ATP4A: variants seen among roughly 807,000 people sequenced by gnomAD.
The protein encoded by ATP4A is potassium-transporting ATPase alpha chain 1.
ATP4A carries 73 observed loss-of-function variants against 112.1 expected under a neutral mutation model. The observed-to-expected ratio is 0.65, with a 90% CI of 0.54 to 0.79. ATP4A has a LOEUF of 0.79. ATP4A is among the 30% of genes least tolerant of loss of function. The pLI is 0.00. For synonymous variants in ATP4A, 588 were observed against 588.9 expected, an observed-to-expected ratio of 1.00 and a Z score of 0.02; for missense variants, 1,081 against 1,425.9, an observed-to-expected ratio of 0.76 and a Z score of 3.90.
In ATP4A at chr19:35,559,267, G is replaced by A. The variant is rs1280708924; in HGVS notation, c.1057-76C>T. On this transcript the variant is annotated intron_variant, in intron 7 of 21. Coordinates refer to ENST00000262623, the MANE Select transcript of ATP4A (RefSeq NM_000704.3). The surrounding 1 kb of genome is among the most constrained non-coding windows in gnomAD (Gnocchi z 4.1). ...CCTCTTCCCCGCGTCAAAGAACGGG[G>A]AAGGCTTTACCCCAGCCGCGGGGCT... 107 of 1,521,668 alleles carry A rather than the reference G, an allele frequency of 7.0e-5. 1 individual carries two copies. The highest frequency in any genetic ancestry group is 7.0e-4 in the Middle Eastern group (4 of 5,716). The allele number at this position is 1,521,668 out of a possible 1,614,324, so 94.3% of individuals were successfully genotyped here.
At position 35,558,902 on chromosome 19, in the gene ATP4A, G is replaced by A. The variant is rs1262979363; in HGVS notation, c.1255+91C>T. 19 of 1,512,154 alleles carry A rather than the reference G, an allele frequency of 1.3e-5. No homozygotes were observed. Among genetic ancestry groups the A allele is most frequent in the Non-Finnish European group, 1.6e-5 (18 of 1,102,774 alleles). 93.7% of individuals were successfully genotyped at this position (1,512,154 alleles called of 1,614,324 possible). A position where few individuals can be genotyped will look rare whatever the true frequency, so the allele number is the denominator to read the frequency against. On this transcript the variant is annotated intron_variant, in intron 8 of 21. Coordinates refer to ENST00000262623, the MANE Select transcript of ATP4A (RefSeq NM_000704.3). The surrounding 1 kb of genome is among the most constrained non-coding windows in gnomAD (Gnocchi z 5.1). ...CCTGGAGCCGAGCCGCCCCGCCTTC[G>A]TACAAAGCCCTCCCTACCTCCCTAT...
In ATP4A at chr19:35,555,860, C is replaced by A. The variant is rs1468142754; in HGVS notation, c.1870-48G>T. The A allele has an allele frequency of 2.6e-6, 4 of 1,555,116 alleles. No homozygotes were observed. In the East Asian group the frequency reaches 6.8e-5, roughly 27 times the overall value. On this transcript the variant is annotated intron_variant, in intron 12 of 21. Transcript: ENST00000262623. The surrounding 1 kb of genome is among the most constrained non-coding windows in gnomAD (Gnocchi z 6.6). Reference sequence around the variant, plus strand: ...ACTGACCCCTTCAGATCAGCCCAATCTCCCTGTCCTCCCTGGGAGACATCT... The same window carrying A: ...ACTGACCCCTTCAGATCAGCCCAATATCCCTGTCCTCCCTGGGAGACATCT...
chr19:35,550,682 G>T lies in ATP4A; in HGVS notation c.3080-39C>A. The T allele has an allele frequency of 6.2e-7, 1 of 1,613,632 alleles. No individual in the cohort carries two copies. The highest frequency in any genetic ancestry group is 8.5e-7 in the Non-Finnish European group (1 of 1,179,700). On this transcript the variant is annotated intron_variant, in intron 21 of 21. Coordinates refer to ENST00000262623, the MANE Select transcript of ATP4A (RefSeq NM_000704.3). This position sits in a 1 kb window ranked among gnomAD's most constrained non-coding sequence, Gnocchi z 4.1. ...GGAGAAAGGAGACTCAGTGCTGGGG[G>T]TGCCACTTAGGCAGGGCCAGGGGCT...
chr19:35,559,076 GTCCCTGTC>G lies in ATP4A; in HGVS notation c.1164_1171del (p.Lys388AsnfsTer15), dbSNP rs2071651579. 1 of 1,614,100 alleles carries G rather than the reference GTCCCTGTC, an allele frequency of 6.2e-7. No individual in the cohort carries two copies. The highest frequency in any genetic ancestry group is 1.3e-5 in the African/African-American group (1 of 74,946). On this transcript the variant is annotated frameshift_variant, in exon 8 of 22. Coordinates refer to ENST00000262623, the MANE Select transcript of ATP4A (RefSeq NM_000704.3). LOFTEE classifies it high-confidence loss of function. This position sits in a 1 kb window ranked among gnomAD's most constrained non-coding sequence, Gnocchi z 4.1. ...CACAGTCATGCGGTTCTGAGTGAGA[GTCCCTGTC>G]TTGTCCGAGCAGATCACCGAAGTGG... is the stretch of plus-strand genomic sequence containing the variant.
Position 35,558,148 on chromosome 19 carries a change from T to C in ATP4A, c.1500+214A>G. 1 of 669,446 alleles carries C rather than the reference T, an allele frequency of 1.5e-6. No homozygotes were observed. The highest frequency in any genetic ancestry group is 2.5e-6 in the Non-Finnish European group (1 of 407,550). The allele number at this position is 669,446 out of a possible 1,614,324, so 41.5% of individuals were successfully genotyped here. A position where few individuals can be genotyped will look rare whatever the true frequency, so the allele number is the denominator to read the frequency against. On this transcript the variant is annotated intron_variant, in intron 10 of 21. Coordinates refer to ENST00000262623, the MANE Select transcript of ATP4A (RefSeq NM_000704.3). The surrounding 1 kb of genome is among the most constrained non-coding windows in gnomAD (Gnocchi z 5.1). ...AGAGCGAGGTGCTCCCCATGGACAGTCCCGCCGAGGAGAAGCTGTGGGCGG... is the reference window on the plus strand; with the variant it reads ...AGAGCGAGGTGCTCCCCATGGACAGCCCCGCCGAGGAGAAGCTGTGGGCGG...
At position 35,551,317 on chromosome 19, in the gene ATP4A, G is replaced by A; in HGVS notation, c.2885+130C>T. 6.1e-6 allele frequency: 9 copies of A among 1,465,988 alleles called. No individual in the cohort carries two copies. Among genetic ancestry groups the A allele is most frequent in the Non-Finnish European group, 8.3e-6 (9 of 1,078,162 alleles). 90.8% of individuals were successfully genotyped at this position (1,465,988 alleles called of 1,614,324 possible). A position where few individuals can be genotyped will look rare whatever the true frequency, so the allele number is the denominator to read the frequency against. On this transcript the variant is annotated intron_variant, in intron 19 of 21. Transcript: ENST00000262623. The surrounding 1 kb of genome is among the most constrained non-coding windows in gnomAD (Gnocchi z 5.2). ...GGGGAGTTATTGGCCAGTTAGAAAGGTTTTTTTGGCATGTCACCATCTGGC... is the reference window on the plus strand; with the variant it reads ...GGGGAGTTATTGGCCAGTTAGAAAGATTTTTTTGGCATGTCACCATCTGGC...
rs2071651604 is a variant in ATP4A, at chr19:35,559,078, C to T, written c.1170G>A (p.Gly390=). The change falls in exon 8 of 22, where the codon GGG becomes GGA. Residue 390 remains glycine (G), a synonymous_variant. Coordinates refer to ENST00000262623, the MANE Select transcript of ATP4A (RefSeq NM_000704.3). This position sits in a 1 kb window ranked among gnomAD's most constrained non-coding sequence, Gnocchi z 4.1. ...STSVICSDKT[G]TLTQNRMTVS... ...CAGTCATGCGGTTCTGAGTGAGAGT[C>T]CCTGTCTTGTCCGAGCAGATCACCG... The T allele has an allele frequency of 5.6e-6, 9 of 1,614,186 alleles. No homozygotes were observed. Among genetic ancestry groups the T allele is most frequent in the Non-Finnish European group, 6.8e-6 (8 of 1,180,034 alleles).
chr19:35,551,128 T>C lies in ATP4A; in HGVS notation c.2886-17A>G. 6.3e-7 allele frequency: 1 copy of C among 1,592,396 alleles called. No homozygotes were observed. The highest frequency in any genetic ancestry group is 8.6e-7 in the Non-Finnish European group (1 of 1,169,070). ...ATCTTATTCCTGGGGGTGGGCAGAA[T>C]GGGACAGGCCATTAGGAATTGGGGA... On this transcript the variant is annotated splice_polypyrimidine_tract_variant and intron_variant, in intron 19 of 21. Coordinates refer to ENST00000262623, the MANE Select transcript of ATP4A (RefSeq NM_000704.3). The surrounding 1 kb of genome is among the most constrained non-coding windows in gnomAD (Gnocchi z 5.2).
chr19:35,563,585 C>T (rs909322176), intron 1 of ATP4A, 33 bp downstream of exon 1: 1 of 1,613,902 alleles, frequency 6.2e-7, no homozygotes, highest in African/African-American at 1.3e-5. Flanking sequence ...ACCCCTGTCC[C>T]CACTGCACCC....
Position 35,557,520 on chromosome 19 carries a change from G to C in ATP4A, c.1693+135C>G. 1 of 1,092,368 alleles carries C rather than the reference G, an allele frequency of 9.2e-7. No homozygotes were observed. Among genetic ancestry groups the C allele is most frequent in the Non-Finnish European group, 1.3e-6 (1 of 774,164 alleles). The allele number at this position is 1,092,368 out of a possible 1,614,324, so 67.7% of individuals were successfully genotyped here. The stretch of plus-strand genomic sequence containing the variant: ...AGGACTGGTACAGGGAAAGTCAAGG[G>C]TGAGGCTGTGGACTGCGACAAATCA... On this transcript the variant is annotated intron_variant, in intron 11 of 21. Transcript: ENST00000262623. This position sits in a 1 kb window ranked among gnomAD's most constrained non-coding sequence, Gnocchi z 4.4.
Position 35,558,232 on chromosome 19 carries a change from A to G in ATP4A, c.1500+130T>C. 1 of 1,208,196 alleles carries G rather than the reference A, an allele frequency of 8.3e-7. No individual in the cohort carries two copies. Among genetic ancestry groups the G allele is most frequent in the Admixed American group, 2.8e-5 (1 of 35,700 alleles). The allele number at this position is 1,208,196 out of a possible 1,614,324, so 74.8% of individuals were successfully genotyped here. ...GACGGGGCCATAGGCGGAGCGGGAG[A>G]TGGGGTGGGGTTTGGCTGCGGAGAG... is the stretch of plus-strand genomic sequence containing the variant. On this transcript the variant is annotated intron_variant, in intron 10 of 21. Coordinates refer to ENST00000262623, the MANE Select transcript of ATP4A (RefSeq NM_000704.3). This position sits in a 1 kb window ranked among gnomAD's most constrained non-coding sequence, Gnocchi z 5.1.
rs539010027 is a variant in ATP4A, at chr19:35,559,995, T to C, written c.866A>G (p.Glu289Gly). 26 of 1,614,220 alleles carry C rather than the reference T, an allele frequency of 1.6e-5. No individual in the cohort carries two copies. The African/African-American group carries it at 2.8e-4, about 17-fold the overall frequency. Residue 289 changes from glutamate to glycine, a missense_variant, in exon 7 of 22, where the codon GAA (glutamate) becomes GGA (glycine). Around this residue, in one of 3 missense-constraint regions of ATP4A, gnomAD observed 850 missense variants for 1,068.2 expected, o/e 0.80. Coordinates refer to ENST00000262623, the MANE Select transcript of ATP4A (RefSeq NM_000704.3). This position sits in a 1 kb window ranked among gnomAD's most constrained non-coding sequence, Gnocchi z 4.1. ...GATAGCGATGGGTGTCTTCTCGTTT[T>C]CCACCCCCGACGCCAGCGATGCGAT... ...GRIASLASGV[E>G]NEKTPIAIEI... is the part of the protein sequence containing the mutation.
rs932835477 is a variant in ATP4A at position 35,557,378 on chromosome 19, GAGGCAGCGAAGTTTA to G, written c.1693+262_1693+276del. Reference sequence around the variant, plus strand: ...GACCACAGATCTGCTTTCTAGGGTAGAGGCAGCGAAGTTTAAGGCGTCAGGACAAAAATTGGGAGA... The same window carrying G: ...GACCACAGATCTGCTTTCTAGGGTAGAGGCGTCAGGACAAAAATTGGGAGA... On this transcript the variant is annotated intron_variant, in intron 11 of 21. Coordinates refer to ENST00000262623, the MANE Select transcript of ATP4A (RefSeq NM_000704.3). This position sits in a 1 kb window ranked among gnomAD's most constrained non-coding sequence, Gnocchi z 4.4. 2.6e-5 allele frequency among the ~76,000 whole-genome samples: 4 copies of G among 152,192 alleles called. No homozygotes were observed. Among genetic ancestry groups the G allele is most frequent in the African/African-American group, 9.7e-5 (4 of 41,448 alleles).
Position 35,556,812 on chromosome 19 carries a change from T to C in ATP4A, c.1869+101A>G. 4.9e-6 allele frequency: 7 copies of C among 1,428,590 alleles called. No homozygotes were observed. In the South Asian group the frequency reaches 9.5e-5, roughly 19 times the overall value. 88.5% of individuals were successfully genotyped at this position (1,428,590 alleles called of 1,614,324 possible). A position where few individuals can be genotyped will look rare whatever the true frequency, so the allele number is the denominator to read the frequency against. On this transcript the variant is annotated intron_variant, in intron 12 of 21. Transcript: ENST00000262623. ...AGTATCATAAACCAATGCATTTTGG[T>C]TCAAGCCAGTTTCAGGTGGGTTTGT...
intron 16 of ATP4A, among the ~76,000 whole-genome samples, chr19:35,554,615 T>G (rs2071619832): frequency 6.6e-6 from 1 of 152,212 alleles, no homozygotes; most frequent in African/African-American, 2.4e-5. Context: ...GTGTCTGTGA[T>G]TCAAGTTTGG....
rs552714139 is a variant in ATP4A, at chr19:35,562,242, CT to C, written c.420+192del. Among the ~76,000 whole-genome samples the C allele has an allele frequency of 3.8e-3, 578 of 152,284 alleles. 1 individual carries two copies. The highest frequency in any genetic ancestry group is 6.2e-3 in the Non-Finnish European group (423 of 68,024). On this transcript the variant is annotated intron_variant, in intron 4 of 21. Transcript: ENST00000262623. The stretch of plus-strand genomic sequence containing the variant: ...ATACCCAAGATTCACCCCAGTGTCC[CT>C]GTGTCCTGTGTCCTTGGGTCTGCCC...
chr19:35,558,288 C>A lies in ATP4A; in HGVS notation c.1500+74G>T. ...GCAAGGAGCGAAGCCCCTCGTGGCCCGCTGATGTGGGTGTGGCCTGGGGCG... is the reference window on the plus strand; with the variant it reads ...GCAAGGAGCGAAGCCCCTCGTGGCCAGCTGATGTGGGTGTGGCCTGGGGCG... On this transcript the variant is annotated intron_variant, in intron 10 of 21. Coordinates refer to ENST00000262623, the MANE Select transcript of ATP4A (RefSeq NM_000704.3). This position sits in a 1 kb window ranked among gnomAD's most constrained non-coding sequence, Gnocchi z 5.1. The A allele has an allele frequency of 6.6e-7, 1 of 1,521,384 alleles. No homozygotes were observed. The highest frequency in any genetic ancestry group is 8.8e-7 in the Non-Finnish European group (1 of 1,130,804). The allele number at this position is 1,521,384 out of a possible 1,614,324, so 94.2% of individuals were successfully genotyped here.
rs752094325 is a variant in ATP4A, at chr19:35,555,703, C to G, written c.1979G>C (p.Arg660Pro). Residue 660 changes from arginine to proline, a missense_variant, in exon 13 of 22, where the codon CGT becomes CCT. By Grantham distance (103) the Arg-to-Pro change is moderately radical (BLOSUM62 -2). Transcript: ENST00000262623. This position sits in a 1 kb window ranked among gnomAD's most constrained non-coding sequence, Gnocchi z 6.6. ...ETVEDIAARLRVPVDQVNRKD... is the reference protein window; with the variant it reads ...ETVEDIAARLPVPVDQVNRKD... Reference sequence around the variant, plus strand: ...GCGATTAACCTGGTCTACGGGCACACGGAGGCGGGCAGCGATGTCCTCCAC... The same window carrying G: ...GCGATTAACCTGGTCTACGGGCACAGGGAGGCGGGCAGCGATGTCCTCCAC... 6.2e-7 allele frequency: 1 copy of G among 1,608,748 alleles called. No homozygotes were observed. Among genetic ancestry groups the G allele is most frequent in the Admixed American group, 1.7e-5 (1 of 59,902 alleles).
chr19:35,554,471 T>C (rs886397219), intron 16 of ATP4A, among the ~76,000 whole-genome samples: 3 of 152,168 alleles, frequency 2.0e-5, no homozygotes, highest in Non-Finnish European at 4.4e-5. Flanking sequence ...ACTGTGTAAA[T>C]GTTACCGAAT....
Sources: allele counts gnomAD v4.1 joint callset (sites outside exome capture counted in the v4.1 genomes callset), GRCh38; gene constraint gnomAD v4.1.1; regional missense constraint gnomAD v4.1.1; non-coding constraint Gnocchi (gnomAD v3.1); transcripts MANE v1.5; gene names NCBI Gene and HGNC (gene_info 2026-07-23, HGNC 2026-07-21).